Variants in SLC19A1 observed in about 807,000 individuals in gnomAD.
SLC19A1 encodes the protein solute carrier family 19 member 1, also known as reduced folate transporter.
A neutral mutation model predicts 35.3 loss-of-function variants in SLC19A1; 37 were observed. The observed-to-expected ratio is 1.05, with a 90% confidence interval of 0.81 to 1.38. The LOEUF is 1.38. Ranked by LOEUF, SLC19A1 falls within the 40% of genes most tolerant of loss-of-function variation. The pLI, the probability that SLC19A1 is intolerant of heterozygous loss-of-function variation, is 0.00. For synonymous variants in SLC19A1, 460 were observed against 398.5 expected, an observed-to-expected ratio of 1.15 and a Z score of -1.84; for missense variants, 831 against 826.9, an observed-to-expected ratio of 1.00 and a Z score of -0.06.
At chr21:45,519,119 C>T (rs1206584489) in intron 5 of SLC19A1, among the ~76,000 whole-genome samples, 3 of 139,590 alleles carry the variant, frequency 2.1e-5, no homozygotes, top group Admixed American at 1.4e-4. Flanking sequence ...ATAAAGGCAA[C>T]GTTTTTATAC....
chr21:45,549,213 T>C (rs1346879594), upstream of SLC19A1, among the ~76,000 whole-genome samples: 1 of 152,086 alleles, frequency 6.6e-6, no homozygotes, highest in Admixed American at 6.5e-5. Context: ...AAATAACAAC[T>C]GAGTGAGTCT....
intron 2 of SLC19A1, 80 bp from the exon 3 acceptor site, chr21:45,532,228 G>C: frequency 8.4e-7 from 1 of 1,186,442 alleles, no homozygotes; most frequent in Non-Finnish European, 1.2e-6. Context: ...CGAGGTGATG[G>C]CTGCTGACGG....
upstream of SLC19A1, among the ~76,000 whole-genome samples, chr21:45,546,536 G>A (rs1020809747): frequency 6.6e-6 from 1 of 152,222 alleles, no homozygotes; most frequent in Non-Finnish European, 1.5e-5. Context: ...ACTGAATCCC[G>A]ATGCCCCCAA....
chr21:45,526,163 CGAG>C (rs1250828844), intron 4 of SLC19A1, among the ~76,000 whole-genome samples: 3 of 152,184 alleles, frequency 2.0e-5, no homozygotes, highest in Non-Finnish European at 4.4e-5. Context: ...AGGCCACCCT[CGAG>C]GGGCCATTCT....
At chr21:45,505,316 C>G (rs746909948) in intron 3 of SLC19A1, 10 of 1,599,878 alleles carry the variant, frequency 6.3e-6, no homozygotes, top group African/African-American at 2.7e-5. Context: ...CAGAGGCCGC[C>G]TCGTGTGGCT....
chr21:45,506,551 C>T lies in SLC19A1; in HGVS notation c.498-7939G>A, dbSNP rs534318237. On this transcript the variant is annotated intron_variant, in intron 3 of 4. Transcript: ENST00000417954. ...GGTGGCAGGAGTGGCCGCTCTGATC[C>T]AGGTGGGTGCGGCCATGCTTGCAGG... The T allele has an allele frequency of 3.2e-4, 63 of 196,042 alleles. No homozygotes were observed. The East Asian group carries it at 7.4e-3, about 23-fold the overall frequency. 12.1% of individuals were successfully genotyped at this position (196,042 alleles called of 1,614,324 possible). A position where few individuals can be genotyped will look rare whatever the true frequency, so the allele number is the denominator to read the frequency against.
intron 1 of SLC19A1, chr21:45,541,643 A>AG (rs1248711478): frequency 1.3e-5 from 2 of 152,356 alleles, no homozygotes; most frequent in Non-Finnish European, 2.9e-5. Context: ...GCTCTCTCTG[A>AG]GACGCCTCGG....
rs187264345 is a variant in SLC19A1, at chr21:45,526,805, C to A, written c.1152-847G>T. On this transcript the variant is annotated intron_variant, in intron 4 of 5. Transcript: ENST00000311124. Reference sequence around the variant, plus strand: ...CAGGCTGGTCTCGAGCTCCTGGCCTCAGGTGATCCACCCACCTCAGCCTCC... The same window carrying A: ...CAGGCTGGTCTCGAGCTCCTGGCCTAAGGTGATCCACCCACCTCAGCCTCC... 3.1e-3 allele frequency among the ~76,000 whole-genome samples: 475 copies of A among 152,376 alleles called. 3 individuals are homozygous for A. Among genetic ancestry groups the A allele is most frequent in the African/African-American group, 0.011 (438 of 41,586 alleles).
downstream of SLC19A1, chr21:45,511,269 C>A: frequency 8.7e-7 from 1 of 1,152,552 alleles, no homozygotes; most frequent in Non-Finnish European, 1.3e-6. Flanking sequence ...GAGCCCCAGC[C>A]AGGGAAGGCG....
chr21:45,506,766 TGGA>T (rs1446602678), intron 3 of SLC19A1: 371 of 33,816 alleles, frequency 0.011, 4 homozygotes, highest in African/African-American at 0.048. Flanking sequence ...ACCTTCCCTC[TGGA>T]ACCCTCCCAC....
chr21:45,537,799 C>T lies in SLC19A1; in HGVS notation c.161G>A (p.Gly54Glu). The change falls in exon 2 of 6, where the codon GGG becomes GAG. Residue 54 changes from glycine (G) to glutamate (E), a missense_variant. Transcript: ENST00000311124. Reference sequence around the variant, plus strand: ...CTCCCGCGTGAAGTTCTTGTCGGGCCCCAGGAGGTAGGGGGTGATGAAGCT... The same window carrying T: ...CTCCCGCGTGAAGTTCTTGTCGGGCTCCAGGAGGTAGGGGGTGATGAAGCT... ...GESFITPYLL[G>E]PDKNFTREQV... The T allele has an allele frequency of 6.9e-7, 1 of 1,449,228 alleles. No individual in the cohort carries two copies. Among genetic ancestry groups the T allele is most frequent in the Admixed American group, 1.9e-5 (1 of 53,180 alleles). The allele number at this position is 1,449,228 out of a possible 1,614,324, so 89.8% of individuals were successfully genotyped here.
chr21:45,503,537 C>CA (rs1374626675), intron 3 of SLC19A1, among the ~76,000 whole-genome samples: 1 of 149,384 alleles, frequency 6.7e-6, no homozygotes, highest in East Asian at 2.0e-4. Context: ...ATTGCAAGAA[C>CA]AAAAAACCAA....
rs1198224494 is a variant in SLC19A1, at chr21:45,517,181, G to T, written c.1294-1041C>A. On this transcript the variant is annotated intron_variant, in intron 5 of 5. Transcript: ENST00000311124. The surrounding 1 kb of genome is among the most constrained non-coding windows in gnomAD (Gnocchi z 4.4). ...TTTTCACCTCAGATATTTTGAAACT[G>T]AAGAAGGCAGCAGGCTGGAAAAGAC... Among the ~76,000 whole-genome samples, 1 of 152,186 alleles carries T rather than the reference G, an allele frequency of 6.6e-6. No individual in the cohort carries two copies. The highest frequency in any genetic ancestry group is 1.5e-5 in the Non-Finnish European group (1 of 68,026).
chr21:45,547,737 G>A (rs2078428742), upstream of SLC19A1, among the ~76,000 whole-genome samples: 1 of 152,208 alleles, frequency 6.6e-6, no homozygotes, highest in African/African-American at 2.4e-5. Flanking sequence ...TCCCTTAAAT[G>A]TATGAGACCA....
rs1250357044 is a variant in SLC19A1, at chr21:45,514,074, G to A, written c.*1584C>T. 1.3e-5 allele frequency: 2 copies of A among 152,566 alleles called. No homozygotes were observed. The highest frequency in any genetic ancestry group is 2.4e-5 in the African/African-American group (1 of 41,464). 9.5% of individuals were successfully genotyped at this position (152,566 alleles called of 1,614,324 possible). A position where few individuals can be genotyped will look rare whatever the true frequency, so the allele number is the denominator to read the frequency against. ...TGAGTGCAGGACTCAGAGGCAGGCAGGCAGTGGGTGCAGTGAGCAGGCTGC... is the reference window on the plus strand; with the variant it reads ...TGAGTGCAGGACTCAGAGGCAGGCAAGCAGTGGGTGCAGTGAGCAGGCTGC... On this transcript the variant is annotated 3_prime_UTR_variant, in exon 6 of 6. Coordinates refer to ENST00000311124, the MANE Select transcript of SLC19A1 (RefSeq NM_194255.4).
intron 1 of SLC19A1, among the ~76,000 whole-genome samples, chr21:45,559,185 G>A (rs2078591805): frequency 6.6e-6 from 1 of 152,198 alleles, no homozygotes; most frequent in Admixed American, 6.5e-5. Context: ...AGGAAAAGAT[G>A]AGTAGATGTG....
chr21:45,552,444 G>A (rs2078475151), intron 1 of SLC19A1, among the ~76,000 whole-genome samples: 1 of 152,114 alleles, frequency 6.6e-6, no homozygotes, highest in African/African-American at 2.4e-5. Flanking sequence ...GGGGCCCCAG[G>A]GAGAGCCCCT....
chr21:45,510,115 C>A, downstream of SLC19A1: 3 of 1,596,284 alleles, frequency 1.9e-6, no homozygotes, highest in East Asian at 4.6e-5. Flanking sequence ...GCGGGGCATC[C>A]GCGGGGCCGA....
In SLC19A1 at chr21:45,514,807, C is replaced by A; in HGVS notation, c.*851G>T. On this transcript the variant is annotated 3_prime_UTR_variant, in exon 6 of 6. Coordinates refer to ENST00000311124, the MANE Select transcript of SLC19A1 (RefSeq NM_194255.4). Reference sequence around the variant, plus strand: ...GGGCAAGGCACTAGCGCTCCTTAGACCCTGAGGCCGCTGGGACGTACTTCC... The same window carrying A: ...GGGCAAGGCACTAGCGCTCCTTAGAACCTGAGGCCGCTGGGACGTACTTCC... The A allele has an allele frequency of 3.6e-6, 2 of 551,486 alleles. No individual in the cohort carries two copies. The allele number at this position is 551,486 out of a possible 1,614,324, so 34.2% of individuals were successfully genotyped here. A position where few individuals can be genotyped will look rare whatever the true frequency, so the allele number is the denominator to read the frequency against.
Sources: allele counts gnomAD v4.1 joint callset (sites outside exome capture counted in the v4.1 genomes callset), GRCh38; gene constraint gnomAD v4.1.1; non-coding constraint Gnocchi (gnomAD v3.1); transcripts MANE v1.5; gene names NCBI Gene and HGNC (gene_info 2026-07-23, HGNC 2026-07-21).